ALK: variants seen among roughly 807,000 people sequenced by gnomAD.
ALK encodes the protein ALK tyrosine kinase receptor.
In ALK, 74 loss-of-function variants were observed where a neutral mutation model predicts 163.1. The ratio of observed to expected loss-of-function variants is 0.45; its 90% CI spans 0.38 to 0.55. The LOEUF is 0.55. Among genes scored for constraint, ALK ranks in the 20% least tolerant of loss-of-function variants. ALK has a pLI of 0.00. For synonymous variants in ALK, 960 were observed against 843.2 expected, an observed-to-expected ratio of 1.14 and a Z score of -2.40; for missense variants, 2,063 against 2,105.3, an observed-to-expected ratio of 0.98 and a Z score of 0.39.
Position 29,921,481 on chromosome 2 carries a change from G to A in ALK, c.-822C>T. ...CCGCGGCTTTGGGTGGCCGACCAGA[G>A]GGCGGCCGGAAAGCACCTCGGTGCC... On this transcript the variant is annotated 5_prime_UTR_variant, in exon 1 of 29. Transcript: ENST00000389048. 1 of 232,128 alleles carries A rather than the reference G, an allele frequency of 4.3e-6. No homozygotes were observed. The highest frequency in any genetic ancestry group is 8.5e-6 in the Non-Finnish European group (1 of 117,232). The allele number at this position is 232,128 out of a possible 1,614,324, so 14.4% of individuals were successfully genotyped here.
chr2:29,881,431 G>A (rs967909592), intron 1 of ALK, among the ~76,000 whole-genome samples: 1 of 152,164 alleles, frequency 6.6e-6, no homozygotes, highest in African/African-American at 2.4e-5. Flanking sequence ...GAGCATTTCT[G>A]TGTCTTCCAG....
chr2:29,708,891 A>G (rs1678990044), intron 2 of ALK, among the ~76,000 whole-genome samples: 1 of 152,150 alleles, frequency 6.6e-6, no homozygotes, highest in African/African-American at 2.4e-5. Flanking sequence ...CATAGACCAA[A>G]TTATTCTAGT....
At chr2:29,353,331 A>C (rs1335889642) in intron 5 of ALK, among the ~76,000 whole-genome samples, 1 of 152,212 alleles carries the variant, frequency 6.6e-6, no homozygotes, top group Non-Finnish European at 1.5e-5. Context: ...AATGAGCTTG[A>C]TGCATTATTC....
At position 29,355,715 on chromosome 2, in the gene ALK, G is replaced by A. The variant is rs149836133; in HGVS notation, c.1283-27234C>T. Reference sequence around the variant, plus strand: ...GTCAGAAGTGCTGCCTTTTAGGTCAGGCATTAAAACCTAACACCCTGAACT... The same window carrying A: ...GTCAGAAGTGCTGCCTTTTAGGTCAAGCATTAAAACCTAACACCCTGAACT... On this transcript the variant is annotated intron_variant, in intron 5 of 28. Coordinates refer to ENST00000389048, the MANE Select transcript of ALK (RefSeq NM_004304.5). Among the ~76,000 whole-genome samples the A allele has an allele frequency of 9.0e-3, 1,366 of 152,256 alleles. 10 individuals carry two copies. The highest frequency in any genetic ancestry group is 0.051 in the South Asian group (246 of 4,820).
At chr2:29,836,659 C>A (rs1385650256) in intron 1 of ALK, among the ~76,000 whole-genome samples, 1 of 152,132 alleles carries the variant, frequency 6.6e-6, no homozygotes, top group African/African-American at 2.4e-5. Context: ...AGAGCTTAGA[C>A]CCCTAATCTG....
intron 4 of ALK, among the ~76,000 whole-genome samples, chr2:29,503,910 A>G (rs955394179): frequency 6.6e-6 from 1 of 151,916 alleles, no homozygotes; most frequent in African/African-American, 2.4e-5. Context: ...CTTTCTTTCT[A>G]TAGGTTGGTG....
At chr2:29,677,449 A>G (rs1677918321) in intron 3 of ALK, among the ~76,000 whole-genome samples, 1 of 151,986 alleles carries the variant, frequency 6.6e-6, no homozygotes, top group Non-Finnish European at 1.5e-5. Context: ...AGGTTAAGGA[A>G]ATTACCTTCT....
intron 1 of ALK, among the ~76,000 whole-genome samples, chr2:29,769,083 C>G (rs960279774): frequency 2.0e-5 from 3 of 152,174 alleles, no homozygotes; most frequent in African/African-American, 7.2e-5. Flanking sequence ...ATCCACCCAC[C>G]TCGTCCTCCC....
intron 4 of ALK, among the ~76,000 whole-genome samples, chr2:29,410,877 A>G (rs568937036): frequency 6.6e-6 from 1 of 152,316 alleles, no homozygotes; most frequent in Admixed American, 6.5e-5. Flanking sequence ...CTTAGGCTAC[A>G]CTGAATTAAT....
chr2:29,196,392 ATGT>A (rs1195811541), intron 28 of ALK, among the ~76,000 whole-genome samples: 1 of 152,186 alleles, frequency 6.6e-6, no homozygotes, highest in Non-Finnish European at 1.5e-5. Flanking sequence ...ATTACTTCAC[ATGT>A]TGTTATTTCT....
At chr2:29,773,404 G>A (rs1681081734) in intron 1 of ALK, among the ~76,000 whole-genome samples, 1 of 152,160 alleles carries the variant, frequency 6.6e-6, no homozygotes, top group African/African-American at 2.4e-5. Flanking sequence ...GTTCTAGGAA[G>A]TGACCTCTCT....
intron 3 of ALK, among the ~76,000 whole-genome samples, chr2:29,533,018 A>G (rs1673160535): frequency 6.6e-6 from 1 of 152,226 alleles, no homozygotes; most frequent in South Asian, 2.1e-4. Context: ...AGCCTGCAAT[A>G]AACAATGGTG....
chr2:29,636,616 A>C (rs1676539497), intron 3 of ALK, among the ~76,000 whole-genome samples: 1 of 152,314 alleles, frequency 6.6e-6, no homozygotes, highest in South Asian at 2.1e-4. Context: ...TCAAAATTAA[A>C]AACTTTTGCT....
At chr2:29,284,636 T>C (rs924398216) in intron 9 of ALK, among the ~76,000 whole-genome samples, 1 of 152,194 alleles carries the variant, frequency 6.6e-6, no homozygotes, top group Non-Finnish European at 1.5e-5. Flanking sequence ...GCACTCTTGA[T>C]TGTGGAAACT....
chr2:29,227,295 CAGT>C lies in ALK; in HGVS notation c.2915-224_2915-222del, dbSNP rs1308880218. On this transcript the variant is annotated intron_variant, in intron 17 of 28. Coordinates refer to ENST00000389048, the MANE Select transcript of ALK (RefSeq NM_004304.5). The surrounding 1 kb of genome is among the most constrained non-coding windows in gnomAD (Gnocchi z 4.4). ...TGTCTATGGATGTTTGCTTTTGAGTCAGTGGTGGAGAGAAGCCCACGCACATGA... is the reference window on the plus strand; with the variant it reads ...TGTCTATGGATGTTTGCTTTTGAGTCGGTGGAGAGAAGCCCACGCACATGA... Among the ~76,000 whole-genome samples, 2 of 152,186 alleles carry C rather than the reference CAGT, an allele frequency of 1.3e-5. No individual in the cohort carries two copies. The highest frequency in any genetic ancestry group is 1.9e-4 in the East Asian group (1 of 5,194).
At chr2:29,602,008 C>T (rs1287903305) in intron 3 of ALK, among the ~76,000 whole-genome samples, 1 of 152,064 alleles carries the variant, frequency 6.6e-6, no homozygotes, top group East Asian at 1.9e-4. Context: ...GTGAGTGCCT[C>T]AAGGGTTGGA....
intron 4 of ALK, among the ~76,000 whole-genome samples, chr2:29,527,973 T>G (rs1253149489): frequency 6.6e-6 from 1 of 152,252 alleles, no homozygotes; most frequent in Non-Finnish European, 1.5e-5. Flanking sequence ...CAAGGCTTTG[T>G]GCTGAGAATT....
intron 1 of ALK, among the ~76,000 whole-genome samples, chr2:29,775,247 C>A (rs191569281): frequency 2.6e-5 from 4 of 152,250 alleles, no homozygotes; most frequent in African/African-American, 9.6e-5. Context: ...CCTTTAAATT[C>A]CCTTCCAACT....
At chr2:29,219,678 G>A (rs1669748703) in intron 23 of ALK, among the ~76,000 whole-genome samples, 1 of 152,210 alleles carries the variant, frequency 6.6e-6, no homozygotes, top group South Asian at 2.1e-4. Context: ...TCTGCCCAGG[G>A]TGCTATGTTT....
Sources: gnomAD v4.1 joint callset for allele counts (sites outside exome capture counted in the v4.1 genomes callset) on GRCh38, gnomAD v4.1.1 for gene constraint, Gnocchi (gnomAD v3.1) non-coding constraint, MANE v1.5 for transcripts, NCBI Gene and HGNC (gene_info 2026-07-23, HGNC 2026-07-21) for gene names.